The following LRRC74B variants were observed in gnomAD, a reference collection of about 807,000 sequenced individuals.
The protein encoded by LRRC74B is leucine rich repeat containing 74B.
A neutral mutation model predicts 16.6 loss-of-function variants in LRRC74B; 30 were observed. The observed-to-expected ratio is 1.80, with a 90% CI of 1.35 to 2.45. LRRC74B has a LOEUF of 2.45. Among genes scored for constraint, LRRC74B ranks in the 30% most tolerant of loss-of-function variants. LRRC74B has a pLI of 0.00. For synonymous variants in LRRC74B, 134 were observed against 86.0 expected (o/e 1.56, Z -3.09); for missense variants, 326 against 202.4 (o/e 1.61, Z -3.71).
intron 7 of LRRC74B, among the ~76,000 whole-genome samples, 159 bp downstream of exon 7, chr22:21,055,335 C>T (rs1280480262): frequency 6.6e-6 from 1 of 152,188 alleles, no homozygotes; most frequent in Non-Finnish European, 1.5e-5. Flanking sequence ...CCTGGCCCTC[C>T]TCTTCTCCCC....
chr22:21,056,596 GCACACACA>G (rs747195504), intron 7 of LRRC74B: 11,937 of 140,194 alleles, frequency 0.085, 528 homozygotes, highest in Non-Finnish European at 0.097. Context: ...CAAGCTTGGA[GCACACACA>G]CACACACACA....
upstream of LRRC74B, chr22:21,045,956 CAG>C (rs1387809209): frequency 1.3e-5 from 9 of 714,332 alleles, no homozygotes; most frequent in Admixed American, 6.0e-5. Flanking sequence ...GTCTCCGACT[CAG>C]TGTCTGAGAC....
chr22:21,060,635 C>T, downstream of LRRC74B: 1 of 616,870 alleles, frequency 1.6e-6, no homozygotes, highest in South Asian at 2.0e-5. Flanking sequence ...ACTGAGTCCT[C>T]ACGTCAGCCG....
At chr22:21,051,218 G>T (rs1410086448) in intron 4 of LRRC74B, among the ~76,000 whole-genome samples, 1 of 152,128 alleles carries the variant, frequency 6.6e-6, no homozygotes, top group East Asian at 1.9e-4. Context: ...TTAAAAGCAG[G>T]TACTGTGATG....
chr22:21,060,319 G>A, intron 8 of LRRC74B, 54 bp from the exon 9 acceptor site: 1 of 637,802 alleles, frequency 1.6e-6, no homozygotes, highest in Admixed American at 2.6e-5. Context: ...AGTGAAAAAT[G>A]GTGAAGTTCT....
At chr22:21,046,024 A>G in exon 1 of LRRC74B, 1 of 717,486 alleles carries the variant, frequency 1.4e-6, no homozygotes, top group Non-Finnish European at 2.6e-6. Flanking sequence ...GAGGATGAAG[A>G]GCAGAAAGAA....
chr22:21,048,676 G>A (rs1022486205), intron 3 of LRRC74B: 18 of 462,336 alleles, frequency 3.9e-5, no homozygotes, highest in Admixed American at 3.6e-5. Flanking sequence ...TGCAGCCATC[G>A]ACGGTATAGC....
intron 6 of LRRC74B, 39 bp downstream of exon 6, chr22:21,053,514 T>C (rs1416793482): frequency 2.8e-6 from 2 of 707,568 alleles, no homozygotes; most frequent in African/African-American, 3.5e-5. Flanking sequence ...AATCATGGGC[T>C]CCATGATCTT....
intron 8 of LRRC74B, among the ~76,000 whole-genome samples, chr22:21,058,481 T>C (rs1289447912): frequency 6.6e-6 from 1 of 151,872 alleles, no homozygotes; most frequent in African/African-American, 2.4e-5. Context: ...GCCACTGCAC[T>C]CCAACCTGGG....
chr22:21,052,821 C>G (rs1249459924), intron 5 of LRRC74B, among the ~76,000 whole-genome samples: 1 of 152,188 alleles, frequency 6.6e-6, no homozygotes, highest in African/African-American at 2.4e-5. Context: ...TGCAATGTCC[C>G]CAGTGCCAGA....
downstream of LRRC74B, among the ~76,000 whole-genome samples, chr22:21,061,054 G>A (rs1699676134): frequency 6.6e-6 from 1 of 152,150 alleles, no homozygotes; most frequent in Admixed American, 6.6e-5. Flanking sequence ...GGGGCCGGAC[G>A]CGGTGGCTCA....
At chr22:21,060,815 C>T (rs1463555578), downstream of LRRC74B, among the ~76,000 whole-genome samples, 2 of 152,160 alleles carry the variant, frequency 1.3e-5, no homozygotes, top group East Asian at 3.8e-4. Context: ...CAAGTCCCTG[C>T]CCTCCCCATG....
At chr22:21,048,368 G>A (rs1397836425) in intron 3 of LRRC74B, 4 of 295,300 alleles carry the variant, frequency 1.4e-5, no homozygotes, top group East Asian at 1.6e-4. Flanking sequence ...GAAGCAGGTA[G>A]GCAATGTGGG....
At chr22:21,047,321 GCAGGGTC>G (rs1929530544) in intron 1 of LRRC74B, 28 bp from the exon 2 acceptor site, 1 of 712,260 alleles carries the variant, frequency 1.4e-6, no homozygotes, top group East Asian at 2.7e-5. Flanking sequence ...CTGTAGCTGT[GCAGGGTC>G]CACATTCGTC....
chr22:21,046,477 G>A (rs542828820), intron 1 of LRRC74B, among the ~76,000 whole-genome samples: 13 of 152,288 alleles, frequency 8.5e-5, no homozygotes, highest in African/African-American at 3.1e-4. Flanking sequence ...AAAAGACACA[G>A]CATGCAATTT....
chr22:21,057,963 G>C (rs1344080971), intron 8 of LRRC74B, among the ~76,000 whole-genome samples: 5 of 149,674 alleles, frequency 3.3e-5, no homozygotes, highest in Non-Finnish European at 7.4e-5. Context: ...TTGGCTCTCT[G>C]CAACTTCCGG....
At chr22:21,053,562 C>T in intron 6 of LRRC74B, 87 bp downstream of exon 6, 1 of 655,442 alleles carries the variant, frequency 1.5e-6, no homozygotes, top group Non-Finnish European at 2.8e-6. Context: ...ATGGGGATTC[C>T]CGTGATGGGG....
At chr22:21,052,777 G>A (rs1170175388) in intron 5 of LRRC74B, among the ~76,000 whole-genome samples, 1 of 152,172 alleles carries the variant, frequency 6.6e-6, no homozygotes, top group Non-Finnish European at 1.5e-5. Flanking sequence ...GGGAATGGGT[G>A]GCTCAAGCTG....
Position 21,057,213 on chromosome 22 carries a change from T to C in LRRC74B, c.1023+13T>C. The C allele has an allele frequency of 1.4e-6, 1 of 716,994 alleles. No individual in the cohort carries two copies. The highest frequency in any genetic ancestry group is 2.6e-6 in the Non-Finnish European group (1 of 384,904). 44.4% of individuals were successfully genotyped at this position (716,994 alleles called of 1,614,324 possible). On this transcript the variant is annotated intron_variant, in intron 8 of 8. Transcript: ENST00000442047. ...GCTGGATTTCTCAGTAAGAGCATTT[T>C]ATAAACCTCGTTTCTGATCCTCCCA...
Sources: gnomAD v4.1 joint callset for allele counts (sites outside exome capture counted in the v4.1 genomes callset) on GRCh38, gnomAD v4.1.1 for gene constraint, MANE v1.5 for transcripts, NCBI Gene and HGNC (gene_info 2026-07-23, HGNC 2026-07-21) for gene names.